Variants in ZNF276 observed in about 807,000 individuals in gnomAD.
ZNF276 encodes zinc finger protein 276.
In ZNF276, 59 loss-of-function variants were observed where a neutral mutation model predicts 63.9. That is an observed-to-expected ratio of 0.92 (90% CI 0.75 to 1.15). The LOEUF is 1.15. Among genes scored for constraint, ZNF276 ranks in the 50% most tolerant of loss-of-function variants. ZNF276 has a pLI of 0.00. For synonymous variants in ZNF276, 496 were observed against 348.4 expected (o/e 1.42, Z -4.72); for missense variants, 1,084 against 843.8 (o/e 1.28, Z -3.53).
At chr16:89,721,474 C>G (rs991150423), upstream of ZNF276, 3 of 600,502 alleles carry the variant, frequency 5.0e-6, no homozygotes, top group Non-Finnish European at 7.7e-6. Flanking sequence ...CCGGCGGGGT[C>G]CCGCCCCTGG....
At position 89,734,045 on chromosome 16, in the gene ZNF276, C is replaced by A; in HGVS notation, c.1474+7C>A. On this transcript the variant is annotated splice_region_variant and intron_variant, in intron 9 of 10. Coordinates refer to ENST00000443381, the MANE Select transcript of ZNF276 (RefSeq NM_001113525.2). ...GTGAAGCTCATCCACACAGGTACGCCTATCGCCAGTGTCGCCCACGCGGGT... is the reference window on the plus strand; with the variant it reads ...GTGAAGCTCATCCACACAGGTACGCATATCGCCAGTGTCGCCCACGCGGGT... 1 of 1,613,014 alleles carries A rather than the reference C, an allele frequency of 6.2e-7. No individual in the cohort carries two copies. The highest frequency in any genetic ancestry group is 1.1e-5 in the South Asian group (1 of 91,068).
In ZNF276 at chr16:89,740,851, A is replaced by G; in HGVS notation, c.*2605A>G. 1.9e-6 allele frequency: 3 copies of G among 1,613,466 alleles called. No homozygotes were observed. The highest frequency in any genetic ancestry group is 2.5e-6 in the Non-Finnish European group (3 of 1,179,608). On this transcript the variant is annotated 3_prime_UTR_variant, in exon 11 of 11. Coordinates refer to ENST00000443381, the MANE Select transcript of ZNF276 (RefSeq NM_001113525.2). ...AGCAGGCCCATCAAGGAGAAGAAGA[A>G]AAGGAAAACCAATAGCTGTAAATAA...
At chr16:89,724,857 T>A (rs1351521667) in intron 4 of ZNF276, among the ~76,000 whole-genome samples, 1 of 149,752 alleles carries the variant, frequency 6.7e-6, no homozygotes, top group East Asian at 1.9e-4. Flanking sequence ...TACTTCTTTG[T>A]CTCTCTCTAT....
rs1567591243 is a variant in ZNF276 at position 89,738,715 on chromosome 16, G to A, written c.*469G>A. ...CCCCACGATCAGCCAGCAGCTGTGA[G>A]AGAGGAGCAGGTCCTCAGCCCATGC... On this transcript the variant is annotated 3_prime_UTR_variant, in exon 11 of 11. Transcript: ENST00000443381. 1 of 1,613,616 alleles carries A rather than the reference G, an allele frequency of 6.2e-7. No homozygotes were observed. The highest frequency in any genetic ancestry group is 1.7e-5 in the Admixed American group (1 of 59,966).
At chr16:89,720,704 G>T, upstream of ZNF276, 21 of 1,338,320 alleles carry the variant, frequency 1.6e-5, no homozygotes, top group Non-Finnish European at 2.0e-5. Context: ...CCCTCCCCGG[G>T]CGGGGGTCCC....
At position 89,740,324 on chromosome 16, in the gene ZNF276, G is replaced by A. The variant is rs11648689; in HGVS notation, c.*2078G>A. On this transcript the variant is annotated 3_prime_UTR_variant, in exon 11 of 11. Transcript: ENST00000443381. ...ACCCACACCAAGGCTGCTGCACCACGTCCTCAAATAAGACATTAAAAGAAA... is the reference window on the plus strand; with the variant it reads ...ACCCACACCAAGGCTGCTGCACCACATCCTCAAATAAGACATTAAAAGAAA... 0.068 allele frequency: 38,731 copies of A among 569,576 alleles called. 1,867 individuals carry two copies. Among genetic ancestry groups the A allele is most frequent in the East Asian group, 0.16 (5,281 of 33,648 alleles). The allele number at this position is 569,576 out of a possible 1,614,324, so 35.3% of individuals were successfully genotyped here.
chr16:89,735,289 T>TCGG (rs58523711), intron 9 of ZNF276, among the ~76,000 whole-genome samples: 1 of 128,148 alleles, frequency 7.8e-6, no homozygotes, highest in African/African-American at 2.8e-5. Flanking sequence ...TGGTAAGGGG[T>TCGG]GGGGGGGGGC....
intron 4 of ZNF276, among the ~76,000 whole-genome samples, chr16:89,725,472 C>T (rs1441453028): frequency 2.0e-5 from 3 of 151,902 alleles, no homozygotes; most frequent in African/African-American, 4.8e-5. Flanking sequence ...TGAACCACCG[C>T]GCCCAGCCAA....
intron 6 of ZNF276, among the ~76,000 whole-genome samples, chr16:89,729,716 G>A (rs530316490): frequency 3.9e-5 from 6 of 152,132 alleles, no homozygotes; most frequent in Non-Finnish European, 5.9e-5. Flanking sequence ...CTTTGTGTGC[G>A]TCCCCAGAGG....
chr16:89,740,491 C>T lies in ZNF276; in HGVS notation c.*2245C>T, dbSNP rs17233734. The T allele has an allele frequency of 3.0e-5, 14 of 470,414 alleles. No homozygotes were observed. The highest frequency in any genetic ancestry group is 4.6e-5 in the Non-Finnish European group (12 of 260,732). The allele number at this position is 470,414 out of a possible 1,614,324, so 29.1% of individuals were successfully genotyped here. A position where few individuals can be genotyped will look rare whatever the true frequency, so the allele number is the denominator to read the frequency against. ...CTCTACTAAAAATACAAAAATTAGC[C>T]GGGTGTGACAGACTCACGCCTGTAA... On this transcript the variant is annotated 3_prime_UTR_variant, in exon 11 of 11. Coordinates refer to ENST00000443381, the MANE Select transcript of ZNF276 (RefSeq NM_001113525.2).
intron 9 of ZNF276, among the ~76,000 whole-genome samples, chr16:89,736,387 C>T (rs2061891678): frequency 6.7e-6 from 1 of 149,524 alleles, no homozygotes; most frequent in Non-Finnish European, 1.5e-5. Context: ...TGCAGCTGTG[C>T]AATCTCAGCT....
intron 6 of ZNF276, 79 bp downstream of exon 6, chr16:89,729,397 C>T (rs1597993358): frequency 1.5e-5 from 19 of 1,271,112 alleles, no homozygotes; most frequent in East Asian, 9.3e-5. Flanking sequence ...GGCCTCTCCC[C>T]GGTGCCCACT....
chr16:89,733,195 C>T, intron 6 of ZNF276, 107 bp from the exon 7 acceptor site: 1 of 1,051,326 alleles, frequency 9.5e-7, no homozygotes, highest in Non-Finnish European at 1.4e-6. Flanking sequence ...AGCACAGAAG[C>T]AACTCAGGGA....
upstream of ZNF276, chr16:89,720,891 G>C: frequency 4.5e-6 from 6 of 1,328,428 alleles, no homozygotes; most frequent in South Asian, 1.9e-5. Flanking sequence ...GGCGGCGGTA[G>C]CCGAGGGGCT....
chr16:89,738,357 T>C lies in ZNF276; in HGVS notation c.*111T>C. The C allele has an allele frequency of 7.5e-6, 11 of 1,468,834 alleles. No homozygotes were observed. The highest frequency in any genetic ancestry group is 1.0e-5 in the Non-Finnish European group (11 of 1,102,998). 91.0% of individuals were successfully genotyped at this position (1,468,834 alleles called of 1,614,324 possible). ...AGGGTCGGAGGGTGCTGCCCGCCCT[T>C]GGTGCTGGAGGCGGGCTTGGTGTCC... On this transcript the variant is annotated 3_prime_UTR_variant, in exon 11 of 11. Coordinates refer to ENST00000443381, the MANE Select transcript of ZNF276 (RefSeq NM_001113525.2).
intron 9 of ZNF276, among the ~76,000 whole-genome samples, chr16:89,735,840 G>T (rs113149538): frequency 6.6e-6 from 1 of 151,836 alleles, no homozygotes; most frequent in African/African-American, 2.4e-5. Flanking sequence ...TCAGCCTCCT[G>T]AGTAGCTGGG....
At chr16:89,721,971 G>C in intron 1 of ZNF276, 126 bp downstream of exon 1, 1 of 652,386 alleles carries the variant, frequency 1.5e-6, no homozygotes, top group Non-Finnish European at 2.1e-6. Flanking sequence ...AGCGGACTCG[G>C]GGCTGCGTCG....
In ZNF276 at chr16:89,731,329, C is replaced by A. The variant is rs552030374; in HGVS notation, c.1170-1973C>A. Reference sequence around the variant, plus strand: ...AGTGCAGTGGCACGATCTTGGCTCACTGCAACCTCCGCCTCCCGAGTTCAA... The same window carrying A: ...AGTGCAGTGGCACGATCTTGGCTCAATGCAACCTCCGCCTCCCGAGTTCAA... On this transcript the variant is annotated intron_variant, in intron 6 of 10. Coordinates refer to ENST00000443381, the MANE Select transcript of ZNF276 (RefSeq NM_001113525.2). 3.9e-5 allele frequency among the ~76,000 whole-genome samples: 6 copies of A among 152,398 alleles called. No homozygotes were observed. In the South Asian group the frequency reaches 1.2e-3, roughly 32 times the overall value.
At chr16:89,721,889 G>A in intron 1 of ZNF276, 44 bp downstream of exon 1, 12 of 1,172,000 alleles carry the variant, frequency 1.0e-5, no homozygotes, top group Non-Finnish European at 9.5e-6. Flanking sequence ...TCGCGGCAGG[G>A]GTTGCTCGTG....
Sources: gnomAD v4.1 joint callset for allele counts (sites outside exome capture counted in the v4.1 genomes callset) on GRCh38, gnomAD v4.1.1 for gene constraint, MANE v1.5 for transcripts, NCBI Gene and HGNC (gene_info 2026-07-23, HGNC 2026-07-21) for gene names.